Variants in GRM5 observed in about 807,000 individuals in gnomAD.
GRM5 encodes glutamate metabotropic receptor 5.
Under a neutral mutation model 83.1 loss-of-function variants are expected in GRM5, and 19 were observed. That is an observed-to-expected ratio of 0.23 (90% CI 0.16 to 0.34). The LOEUF (loss-of-function observed/expected upper bound fraction) is 0.34, where lower values mean the gene tolerates loss of function less well. Among genes scored for constraint, GRM5 ranks in the 10% least tolerant of loss-of-function variants. The probability of loss-of-function intolerance (pLI) is 1.00; values close to 1 mark genes in which losing one functional copy is unlikely to be tolerated. For missense variants in GRM5, 1,160 were observed against 1,588.3 expected (o/e 0.73, Z 4.58); for synonymous variants, 675 against 633.6 (o/e 1.07, Z -0.98).
At chr11:88,757,906 C>G (rs548136604) in intron 3 of GRM5, among the ~76,000 whole-genome samples, 1 of 152,112 alleles carries the variant, frequency 6.6e-6, no homozygotes. Flanking sequence ...TAGTTGGTTT[C>G]TAACCTTGAG....
At chr11:88,530,269 T>G (rs541676542) in intron 8 of GRM5, among the ~76,000 whole-genome samples, 1 of 152,050 alleles carries the variant, frequency 6.6e-6, no homozygotes. Flanking sequence ...TCTTCAATCT[T>G]GTAAACCTGT....
At chr11:88,516,512 A>T (rs1480798231) in intron 9 of GRM5, among the ~76,000 whole-genome samples, 3 of 152,162 alleles carry the variant, frequency 2.0e-5, no homozygotes, top group African/African-American at 7.2e-5. Flanking sequence ...TTGTCCCAGG[A>T]TGTTTAGAAT....
chr11:89,019,832 C>T (rs1417831751), intron 2 of GRM5, among the ~76,000 whole-genome samples: 1 of 152,206 alleles, frequency 6.6e-6, no homozygotes, highest in Non-Finnish European at 1.5e-5. Flanking sequence ...ACAAATCAGA[C>T]ACCTTTGGTT....
intron 8 of GRM5, among the ~76,000 whole-genome samples, chr11:88,555,110 A>T (rs1317826739): frequency 6.6e-6 from 1 of 152,142 alleles, no homozygotes; most frequent in East Asian, 1.9e-4. Flanking sequence ...GTAATCTTAG[A>T]TCACTTAACC....
chr11:88,635,062 TA>T (rs1230437197), intron 4 of GRM5, among the ~76,000 whole-genome samples: 1 of 152,218 alleles, frequency 6.6e-6, no homozygotes, highest in Non-Finnish European at 1.5e-5. Flanking sequence ...TAGCATTTGT[TA>T]AAAAGCTTAT....
intron 3 of GRM5, among the ~76,000 whole-genome samples, chr11:88,712,112 C>A (rs372851933): frequency 2.0e-5 from 3 of 151,918 alleles, no homozygotes; most frequent in Non-Finnish European, 2.9e-5. Flanking sequence ...CCTTGCAAGT[C>A]GAAAATCCTT....
chr11:88,726,818 C>G (rs368926866), intron 3 of GRM5, among the ~76,000 whole-genome samples: 1 of 152,118 alleles, frequency 6.6e-6, no homozygotes, highest in Non-Finnish European at 1.5e-5. Context: ...GAAATAAAAT[C>G]CTTTACAGAC....
Position 88,653,196 on chromosome 11 carries a change from C to T in GRM5, c.1119G>A (p.Glu373=), listed in dbSNP as rs767875699. The T allele has an allele frequency of 1.9e-6, 3 of 1,608,456 alleles. No individual in the cohort carries two copies. Among genetic ancestry groups the T allele is most frequent in the Non-Finnish European group, 2.6e-6 (3 of 1,175,236 alleles). Reference sequence around the variant, plus strand: ...TGCAAGTCTTGTTGTATTTGCTGTTCTCCTGTGGAAACCCTTCCAGTCGGC... The same window carrying T: ...TGCAAGTCTTGTTGTATTTGCTGTTTTCCTGTGGAAACCCTTCCAGTCGGC... ...FQCRLEGFPQ[E]NSKYNKTCNS... is the part of the protein sequence containing the mutation. The change falls in exon 4 of 10, where the codon GAG becomes GAA. Residue 373 remains glutamate, a synonymous_variant. Coordinates refer to ENST00000305447, the MANE Select transcript of GRM5 (RefSeq NM_001143831.3).
At chr11:88,960,065 G>T (rs967386299) in intron 2 of GRM5, among the ~76,000 whole-genome samples, 5 of 152,162 alleles carry the variant, frequency 3.3e-5, no homozygotes, top group Admixed American at 3.3e-4. Context: ...GTTCTCAGCG[G>T]AGGAAACTGC....
At chr11:88,916,855 TA>T (rs1945603147) in intron 2 of GRM5, among the ~76,000 whole-genome samples, 1 of 152,052 alleles carries the variant, frequency 6.6e-6, no homozygotes, top group Admixed American at 6.6e-5. Context: ...AAGACCCCAA[TA>T]CTAGGACATA....
Position 88,768,671 on chromosome 11 carries a change from T to C in GRM5, c.911+81235A>G, listed in dbSNP as rs757361958. On this transcript the variant is annotated intron_variant, in intron 3 of 9. Transcript: ENST00000305447. ...TTTAAAAATAGCCACACCTGAAAGGTCATCACACTGGTCCTTATATGAAAG... is the reference window on the plus strand; with the variant it reads ...TTTAAAAATAGCCACACCTGAAAGGCCATCACACTGGTCCTTATATGAAAG... Among the ~76,000 whole-genome samples the C allele has an allele frequency of 2.0e-5, 3 of 151,510 alleles. No individual in the cohort carries two copies. The Admixed American group carries it at 2.0e-4, about 10-fold the overall frequency.
chr11:88,943,796 T>C (rs1437440729), intron 2 of GRM5, among the ~76,000 whole-genome samples: 6 of 151,884 alleles, frequency 4.0e-5, no homozygotes, highest in Non-Finnish European at 5.9e-5. Context: ...TTTGTTCTAA[T>C]AAACTACAGT....
intron 2 of GRM5, among the ~76,000 whole-genome samples, chr11:88,989,548 C>A (rs938355102): frequency 5.1e-5 from 7 of 136,702 alleles, no homozygotes; most frequent in Middle Eastern, 3.5e-3. Flanking sequence ...CCCAAATCAA[C>A]AGAATATACA....
At chr11:88,873,565 G>A (rs1188988795) in intron 2 of GRM5, among the ~76,000 whole-genome samples, 5 of 151,494 alleles carry the variant, frequency 3.3e-5, no homozygotes, top group African/African-American at 1.2e-4. Context: ...AAGAACCTTG[G>A]GAAATGTACA....
chr11:88,836,813 A>AAAACAAAAAC (rs201153242), intron 3 of GRM5, among the ~76,000 whole-genome samples: 1 of 152,134 alleles, frequency 6.6e-6, no homozygotes, highest in Non-Finnish European at 1.5e-5. Flanking sequence ...CAAAAAACAA[A>AAAACAAAAAC]AAACAAAAAC....
At chr11:88,990,553 C>G (rs1190556444) in intron 2 of GRM5, among the ~76,000 whole-genome samples, 2 of 150,674 alleles carry the variant, frequency 1.3e-5, no homozygotes, top group African/African-American at 2.5e-5. Context: ...GGCAGAGACA[C>G]AACCAAAAAA....
intron 3 of GRM5, among the ~76,000 whole-genome samples, chr11:88,774,479 A>G (rs1243313375): frequency 1.3e-5 from 2 of 152,138 alleles, no homozygotes; most frequent in African/African-American, 4.8e-5. Context: ...AGAACTTCCA[A>G]CACCATGCTG....
chr11:88,872,560 C>T (rs1340738448), intron 2 of GRM5, among the ~76,000 whole-genome samples: 6 of 151,528 alleles, frequency 4.0e-5, no homozygotes, highest in Non-Finnish European at 8.9e-5. Flanking sequence ...CCCTCTCCCA[C>T]TGCAAGGAAG....
chr11:88,683,504 G>A (rs1346981816), intron 3 of GRM5, among the ~76,000 whole-genome samples: 2 of 152,194 alleles, frequency 1.3e-5, no homozygotes, highest in African/African-American at 4.8e-5. Flanking sequence ...TGGGTATAAT[G>A]TGATAAGCTA....
Sources: allele counts gnomAD v4.1 joint callset (sites outside exome capture counted in the v4.1 genomes callset), GRCh38; gene constraint gnomAD v4.1.1; transcripts MANE v1.5; gene names NCBI Gene and HGNC (gene_info 2026-07-23, HGNC 2026-07-21).